LRP1B: variants seen among roughly 807,000 people sequenced by gnomAD.
LRP1B encodes LDL receptor related protein 1B.
Under a neutral mutation model 556.6 loss-of-function variants are expected in LRP1B, and 217 were observed. The observed-to-expected ratio is 0.39, with a 90% CI of 0.35 to 0.44. The LOEUF is 0.44. Ranked by LOEUF, LRP1B falls within the 20% of genes least tolerant of loss-of-function variation. The pLI is 1.00. For synonymous variants in LRP1B, 2,047 were observed against 1,865.8 expected, an observed-to-expected ratio of 1.10 and a Z score of -2.50; for missense variants, 5,053 against 5,620.8, an observed-to-expected ratio of 0.90 and a Z score of 3.23.
intron 2 of LRP1B, among the ~76,000 whole-genome samples, chr2:141,595,977 A>G (rs1454649220): frequency 6.6e-6 from 1 of 152,098 alleles, no homozygotes; most frequent in Non-Finnish European, 1.5e-5. Context: ...TGGAGGATCT[A>G]TAGTTATTGA....
chr2:140,983,761 G>C (rs192928063), intron 17 of LRP1B, among the ~76,000 whole-genome samples: 12 of 152,028 alleles, frequency 7.9e-5, no homozygotes, highest in Admixed American at 1.3e-4. Context: ...ATTGTAGTAT[G>C]TATTTTGCTT....
At chr2:140,948,279 G>A (rs1405934193) in intron 20 of LRP1B, among the ~76,000 whole-genome samples, 2 of 152,022 alleles carry the variant, frequency 1.3e-5, no homozygotes, top group Admixed American at 6.6e-5. Context: ...ACATCTGTGA[G>A]GAAGGAAAAA....
Position 141,049,517 on chromosome 2 carries a change from C to T in LRP1B, c.1553-295G>A, listed in dbSNP as rs556489893. On this transcript the variant is annotated intron_variant, in intron 10 of 90. Coordinates refer to ENST00000389484, the MANE Select transcript of LRP1B (RefSeq NM_018557.3). ...TTAGATAACTTGTAACTTGTAAAAC[C>T]GGCATTTATTAAAACATCGGGCACA... 3.9e-5 allele frequency among the ~76,000 whole-genome samples: 6 copies of T among 152,002 alleles called. No individual in the cohort carries two copies. The East Asian group carries it at 1.2e-3, about 30-fold the overall frequency.
Position 141,005,370 on chromosome 2 carries a change from T to A in LRP1B, c.2468A>T (p.Asn823Ile), listed in dbSNP as rs780632902. The change falls in exon 15 of 91, where the codon AAT becomes ATT. Residue 823 changes from asparagine (N) to isoleucine (I), a missense_variant. Physicochemically the swap from Asn to Ile is moderately radical, Grantham distance 149. Coordinates refer to ENST00000389484, the MANE Select transcript of LRP1B (RefSeq NM_018557.3). ...TGTCCCATTTTCATCCAAAAGTTGATTATCGGCACAAGCACACACCCGGCC... is the reference window on the plus strand; with the variant it reads ...TGTCCCATTTTCATCCAAAAGTTGAATATCGGCACAAGCACACACCCGGCC... The part of the protein sequence containing the change: ...PGGRVCACAD[N>I]QLLDENGTTC... The A allele has an allele frequency of 5.0e-6, 8 of 1,610,310 alleles. No homozygotes were observed. Among genetic ancestry groups the A allele is most frequent in the Non-Finnish European group, 8.5e-7 (1 of 1,177,528 alleles).
At chr2:141,145,746 T>C (rs1320883212) in intron 7 of LRP1B, among the ~76,000 whole-genome samples, 1 of 151,866 alleles carries the variant, frequency 6.6e-6, no homozygotes, top group East Asian at 1.9e-4. Context: ...TTGGTCAGGC[T>C]GGTCTCATAC....
intron 41 of LRP1B, among the ~76,000 whole-genome samples, chr2:140,628,769 GT>G (rs1683771093): frequency 6.6e-6 from 1 of 152,128 alleles, no homozygotes; most frequent in Non-Finnish European, 1.5e-5. Flanking sequence ...AGTGTTGGAG[GT>G]GGGGTCTGGT....
At chr2:141,160,850 A>C (rs895779097) in intron 7 of LRP1B, among the ~76,000 whole-genome samples, 1 of 150,894 alleles carries the variant, frequency 6.6e-6, no homozygotes, top group Non-Finnish European at 1.5e-5. Context: ...ATTAATCTAT[A>C]TATATATATA....
intron 35 of LRP1B, among the ~76,000 whole-genome samples, chr2:140,727,699 T>C (rs1229018611): frequency 6.6e-6 from 1 of 152,196 alleles, no homozygotes; most frequent in Non-Finnish European, 1.5e-5. Flanking sequence ...GAGCATAAAC[T>C]ATGATGACAG....
chr2:141,934,311 A>C (rs1361412932), intron 1 of LRP1B, among the ~76,000 whole-genome samples: 1 of 152,020 alleles, frequency 6.6e-6, no homozygotes, highest in Non-Finnish European at 1.5e-5. Context: ...TAATTGAATG[A>C]CAGAAGGTAA....
chr2:142,041,964 A>G (rs1206410062), intron 1 of LRP1B, among the ~76,000 whole-genome samples: 1 of 151,516 alleles, frequency 6.6e-6, no homozygotes, highest in Non-Finnish European at 1.5e-5. Flanking sequence ...GTTGTAGGGG[A>G]AAAGATGATT....
rs2105366580 is a variant in LRP1B at position 140,487,625 on chromosome 2, C to T, written c.9235G>A (p.Asp3079Asn). The T allele has an allele frequency of 1.9e-6, 3 of 1,608,428 alleles. No homozygotes were observed. Among genetic ancestry groups the T allele is most frequent in the Non-Finnish European group, 2.5e-6 (3 of 1,176,538 alleles). Reference sequence around the variant, plus strand: ...TTGTAATATTTAGTTACCTTAATGTCACTTCCATTTAAACACATTCTATTT... The same window carrying T: ...TTGTAATATTTAGTTACCTTAATGTTACTTCCATTTAAACACATTCTATTT... Reference protein sequence around the residue: ...RINRMCLNGSDIKVVHNTAVP... With the variant: ...RINRMCLNGSNIKVVHNTAVP... The change falls in exon 58 of 91, where the codon GAC becomes AAC. Residue 3079 changes from aspartate (D) to asparagine (N), a missense_variant. By Grantham distance (23) the Asp-to-Asn change is conservative. Transcript: ENST00000389484.
In LRP1B at chr2:141,689,560, A is replaced by T. The variant is rs537005651; in HGVS notation, c.205+120719T>A. ...TATTGCTTTATTGTATATTGTATAT[A>T]TAAGGGAAATTGTTTAGAGAAACAA... is the stretch of plus-strand genomic sequence containing the variant. On this transcript the variant is annotated intron_variant, in intron 2 of 90. Transcript: ENST00000389484. 1.5e-3 allele frequency among the ~76,000 whole-genome samples: 225 copies of T among 151,974 alleles called. 5 individuals carry two copies. Among genetic ancestry groups the T allele is most frequent in the East Asian group, 5.0e-3 (26 of 5,164 alleles).
intron 3 of LRP1B, among the ~76,000 whole-genome samples, chr2:141,407,516 C>T (rs1393310854): frequency 2.6e-5 from 4 of 152,074 alleles, no homozygotes; most frequent in Admixed American, 6.6e-5. Context: ...AGGCGGATCC[C>T]TCATGAATGG....
At chr2:141,693,064 G>A (rs1691605159) in intron 2 of LRP1B, among the ~76,000 whole-genome samples, 2 of 151,986 alleles carry the variant, frequency 1.3e-5, no homozygotes, top group Admixed American at 1.3e-4. Flanking sequence ...CTAAGTACAG[G>A]GAACTTTGCC....
intron 2 of LRP1B, among the ~76,000 whole-genome samples, chr2:141,623,288 G>A (rs1335605464): frequency 2.0e-5 from 3 of 152,094 alleles, no homozygotes; most frequent in African/African-American, 7.2e-5. Context: ...ATAAATTGCA[G>A]AGTTTTGCCA....
intron 21 of LRP1B, among the ~76,000 whole-genome samples, chr2:140,922,671 A>G (rs1694771895): frequency 6.6e-6 from 1 of 151,934 alleles, no homozygotes; most frequent in Non-Finnish European, 1.5e-5. Context: ...TAAATAAACA[A>G]ATAAATTAAT....
In LRP1B at chr2:140,763,482, G is replaced by A. The variant is rs541705046; in HGVS notation, c.5758+5731C>T. Among the ~76,000 whole-genome samples, 3 of 152,212 alleles carry A rather than the reference G, an allele frequency of 2.0e-5. No homozygotes were observed. In the South Asian group the frequency reaches 6.2e-4, roughly 32 times the overall value. The stretch of plus-strand genomic sequence containing the variant: ...TCAAGATCTTTCCCTTTCCTGAGGG[G>A]TGCTGAGTGCCTGAAGTTTCATGAG... On this transcript the variant is annotated intron_variant, in intron 35 of 90. Transcript: ENST00000389484.
intron 66 of LRP1B, among the ~76,000 whole-genome samples, chr2:140,428,072 G>A (rs905540484): frequency 1.3e-5 from 2 of 151,974 alleles, no homozygotes; most frequent in African/African-American, 4.8e-5. Flanking sequence ...TTCATGGCTT[G>A]TTTGGCAGCA....
rs538453509 is a variant in LRP1B at position 140,660,861 on chromosome 2, G to A, written c.6799+39389C>T. Among the ~76,000 whole-genome samples the A allele has an allele frequency of 8.8e-5, 11 of 125,214 alleles. No individual in the cohort carries two copies. In the East Asian group the frequency reaches 2.6e-3, roughly 30 times the overall value. The allele number at this position is 125,214 out of a possible 152,430, so 82.1% of individuals were successfully genotyped here. On this transcript the variant is annotated intron_variant, in intron 41 of 90. Transcript: ENST00000389484. ...TGCTATTTCCCATTAGGTTCTTCCT[G>A]TCTTTTTGTGTTTTTTTTTTTTTTA...
Sources: allele counts gnomAD v4.1 joint callset (sites outside exome capture counted in the v4.1 genomes callset), GRCh38; gene constraint gnomAD v4.1.1; transcripts MANE v1.5; gene names NCBI Gene and HGNC (gene_info 2026-07-23, HGNC 2026-07-21).